Variants in DCC observed in about 807,000 individuals in gnomAD.
The protein encoded by DCC is DCC netrin 1 receptor.
Under a neutral mutation model 172.5 loss-of-function variants are expected in DCC, and 58 were observed. The observed-to-expected ratio is 0.34, with a 90% CI of 0.27 to 0.42. DCC has a LOEUF of 0.42. Among genes scored for constraint, DCC ranks in the 10% least tolerant of loss-of-function variants. The pLI is 1.00. For missense variants in DCC, 1,740 were observed against 1,791.0 expected (o/e 0.97, Z 0.51); for synonymous variants, 709 against 644.5 (o/e 1.10, Z -1.52).
At position 52,549,841 on chromosome 18, in the gene DCC, G is replaced by T. The variant is rs117272566; in HGVS notation, c.92-202213G>T. On this transcript the variant is annotated intron_variant, in intron 1 of 28. Coordinates refer to ENST00000442544, the MANE Select transcript of DCC (RefSeq NM_005215.4). ...CTTTTTTTTTTCCTTTACAGAAATT[G>T]TCTCATTTATTCTTTATAACTCTAC... 4.1e-3 allele frequency among the ~76,000 whole-genome samples: 605 copies of T among 148,060 alleles called. 6 individuals are homozygous for T. Among genetic ancestry groups the T allele is most frequent in the South Asian group, 3.0e-3 (14 of 4,694 alleles).
At chr18:53,371,118 A>G (rs529612633) in intron 15 of DCC, among the ~76,000 whole-genome samples, 1 of 145,358 alleles carries the variant, frequency 6.9e-6, no homozygotes, top group East Asian at 2.0e-4. Flanking sequence ...TAATACAACC[A>G]ACAGTGATTC....
intron 5 of DCC, among the ~76,000 whole-genome samples, chr18:52,930,293 TG>T (rs2040288522): frequency 6.6e-6 from 1 of 152,042 alleles, no homozygotes. Context: ...AACATTATCA[TG>T]TTTCTTAGTT....
intron 27 of DCC, among the ~76,000 whole-genome samples, chr18:53,518,923 A>C (rs187776340): frequency 6.6e-6 from 1 of 152,274 alleles, no homozygotes; most frequent in East Asian, 1.9e-4. Context: ...TAAAACCTTA[A>C]TTGTTGGTAT....
At chr18:52,931,914 G>A (rs2040313202) in intron 5 of DCC, 1 of 151,926 alleles carries the variant, frequency 6.6e-6, no homozygotes, top group African/African-American at 2.4e-5. Flanking sequence ...CGTAAAATCA[G>A]TTGGCCTAAT....
intron 2 of DCC, among the ~76,000 whole-genome samples, chr18:52,777,523 T>C (rs938136274): frequency 3.9e-5 from 6 of 152,156 alleles, no homozygotes; most frequent in African/African-American, 1.4e-4. Flanking sequence ...GATCATCTCA[T>C]CTCAAGATCC....
intron 5 of DCC, among the ~76,000 whole-genome samples, chr18:52,943,738 G>GT (rs57468587): frequency 0.44 from 35,474 of 81,288 alleles, 4,253 homozygotes; most frequent in Non-Finnish European, 0.53. Context: ...GCAATTTATG[G>GT]TTTTTTTTTT....
At chr18:52,557,019 C>A (rs927953842) in intron 1 of DCC, among the ~76,000 whole-genome samples, 1 of 152,092 alleles carries the variant, frequency 6.6e-6, no homozygotes, top group Non-Finnish European at 1.5e-5. Flanking sequence ...ATACGTAGCA[C>A]GGTAAGGATA....
intron 1 of DCC, among the ~76,000 whole-genome samples, chr18:52,450,526 T>C (rs537359974): frequency 1.3e-5 from 2 of 152,326 alleles, no homozygotes; most frequent in South Asian, 4.1e-4. Context: ...ATAAATTAAG[T>C]GGTTATTCTA....
chr18:53,382,935 T>G (rs1023895423), intron 15 of DCC, among the ~76,000 whole-genome samples: 3 of 152,182 alleles, frequency 2.0e-5, no homozygotes, highest in Admixed American at 2.0e-4. Flanking sequence ...TTTTTATAGA[T>G]GTCTATCAGA....
chr18:53,326,553 A>G (rs1276971626), intron 14 of DCC, among the ~76,000 whole-genome samples: 1 of 152,232 alleles, frequency 6.6e-6, no homozygotes, highest in Non-Finnish European at 1.5e-5. Context: ...GGAATGAACA[A>G]GATCAATAGT....
chr18:53,437,943 A>G (rs1331061781), intron 22 of DCC, among the ~76,000 whole-genome samples: 1 of 152,232 alleles, frequency 6.6e-6, no homozygotes, highest in Non-Finnish European at 1.5e-5. Flanking sequence ...TATACACCCC[A>G]GGAAGATGAA....
intron 5 of DCC, among the ~76,000 whole-genome samples, chr18:52,964,775 T>C (rs115814478): frequency 0.065 from 9,971 of 152,272 alleles, 430 homozygotes; most frequent in South Asian, 0.15. Context: ...TTCACAATCC[T>C]GGAGGCCAGA....
intron 25 of DCC, 111 bp downstream of exon 25, chr18:53,468,121 A>C (rs966956622): frequency 4.2e-6 from 3 of 720,470 alleles, no homozygotes; most frequent in Non-Finnish European, 5.0e-6. Flanking sequence ...AACTTTCTGG[A>C]CAAATGGAAA....
At chr18:52,801,201 C>T (rs2037978938) in intron 2 of DCC, among the ~76,000 whole-genome samples, 1 of 152,140 alleles carries the variant, frequency 6.6e-6, no homozygotes, top group South Asian at 2.1e-4. Context: ...ACACTCTTCC[C>T]TATGATGAGA....
At chr18:53,391,933 T>C (rs777196550) in intron 17 of DCC, 46 bp downstream of exon 17, 8 of 1,135,022 alleles carry the variant, frequency 7.0e-6, no homozygotes, top group Non-Finnish European at 1.1e-5. Flanking sequence ...AACTGACATT[T>C]GTTTAACACA....
intron 1 of DCC, among the ~76,000 whole-genome samples, chr18:52,587,351 G>A (rs551892409): frequency 6.6e-6 from 1 of 152,312 alleles, no homozygotes; most frequent in Admixed American, 6.5e-5. Context: ...GACAAGGGTG[G>A]CTGGGGAAAG....
At chr18:52,482,431 A>G (rs1489418111) in intron 1 of DCC, among the ~76,000 whole-genome samples, 1 of 152,186 alleles carries the variant, frequency 6.6e-6, no homozygotes, top group Non-Finnish European at 1.5e-5. Flanking sequence ...CAAATACTAT[A>G]TGGTGTAAAC....
At chr18:52,730,786 A>T (rs1009868170) in intron 1 of DCC, among the ~76,000 whole-genome samples, 17 of 152,184 alleles carry the variant, frequency 1.1e-4, no homozygotes, top group African/African-American at 4.1e-4. Flanking sequence ...GGGGCTATGT[A>T]TGAGGCCTTC....
intron 1 of DCC, among the ~76,000 whole-genome samples, chr18:52,697,593 T>C (rs181530273): frequency 1.8e-4 from 27 of 152,316 alleles, no homozygotes; most frequent in African/African-American, 5.5e-4. Flanking sequence ...AACCCAATAG[T>C]ACATACAGAG....
Sources: gnomAD v4.1 joint callset for allele counts (sites outside exome capture counted in the v4.1 genomes callset) on GRCh38, gnomAD v4.1.1 for gene constraint, MANE v1.5 for transcripts, NCBI Gene and HGNC (gene_info 2026-07-23, HGNC 2026-07-21) for gene names.